TBC1D14: variants seen among roughly 807,000 people sequenced by gnomAD.
The protein encoded by TBC1D14 is TBC1 domain family member 14.
TBC1D14 carries 26 observed loss-of-function variants against 79.0 expected under a neutral mutation model. The ratio of observed to expected loss-of-function variants is 0.33; its 90% CI spans 0.24 to 0.46. TBC1D14 has a LOEUF of 0.46. Among genes scored for constraint, TBC1D14 ranks in the 20% least tolerant of loss-of-function variants. The pLI, the probability that TBC1D14 is intolerant of heterozygous loss-of-function variation, is 1.00. For synonymous variants in TBC1D14, 394 were observed against 349.9 expected, an observed-to-expected ratio of 1.13 and a Z score of -1.40; for missense variants, 769 against 887.6, an observed-to-expected ratio of 0.87 and a Z score of 1.70.
chr4:6,977,660 C>T (rs1445864195), intron 3 of TBC1D14, among the ~76,000 whole-genome samples: 1 of 144,114 alleles, frequency 6.9e-6, no homozygotes, highest in Non-Finnish European at 1.5e-5. Context: ...GGCCGCCATC[C>T]CATCTAGGAA....
At chr4:6,983,189 C>G (rs373285555) in intron 3 of TBC1D14, among the ~76,000 whole-genome samples, 2 of 152,118 alleles carry the variant, frequency 1.3e-5, no homozygotes, top group Non-Finnish European at 1.5e-5. Flanking sequence ...CCAGGCTGGT[C>G]TTGAACTCCT....
intron 2 of TBC1D14, among the ~76,000 whole-genome samples, chr4:6,951,184 C>G (rs1454274447): frequency 6.6e-6 from 1 of 152,092 alleles, no homozygotes; most frequent in Non-Finnish European, 1.5e-5. Flanking sequence ...CCCAGCTACT[C>G]AGGAGGCTGA....
chr4:6,995,027 G>A (rs145365918), intron 4 of TBC1D14, among the ~76,000 whole-genome samples: 1,817 of 152,228 alleles, frequency 0.012, 16 homozygotes, highest in Middle Eastern at 0.037. Flanking sequence ...GTGAACTGGC[G>A]GACTCTCCTG....
rs539003590 is a variant in TBC1D14 at position 6,986,717 on chromosome 4, A to T, written c.844-7467A>T. Among the ~76,000 whole-genome samples, 10 of 151,932 alleles carry T rather than the reference A, an allele frequency of 6.6e-5. No homozygotes were observed. In the South Asian group the frequency reaches 2.1e-3, roughly 32 times the overall value. On this transcript the variant is annotated intron_variant, in intron 3 of 13. Coordinates refer to ENST00000409757, the MANE Select transcript of TBC1D14 (RefSeq NM_020773.3). ...CGAAGTTTAAAGACTGTTTTTAAAAACCTGAGGTCTCATCGACAGCGTACC... is the reference window on the plus strand; with the variant it reads ...CGAAGTTTAAAGACTGTTTTTAAAATCCTGAGGTCTCATCGACAGCGTACC...
At chr4:6,967,617 A>G (rs1404562403) in intron 3 of TBC1D14, among the ~76,000 whole-genome samples, 193 bp downstream of exon 3, 1 of 152,246 alleles carries the variant, frequency 6.6e-6, no homozygotes, top group Non-Finnish European at 1.5e-5. Flanking sequence ...AGCTTGTAAC[A>G]TGCACATAGG....
chr4:6,920,416 A>G (rs1577458157), intron 1 of TBC1D14, among the ~76,000 whole-genome samples: 1 of 152,112 alleles, frequency 6.6e-6, no homozygotes, highest in African/African-American at 2.4e-5. Flanking sequence ...CTGGGACTAC[A>G]GGCATGAGCC....
At chr4:7,009,489 G>A (rs958397214) in intron 9 of TBC1D14, among the ~76,000 whole-genome samples, 2 of 152,208 alleles carry the variant, frequency 1.3e-5, no homozygotes, top group African/African-American at 4.8e-5. Context: ...CAGGATGTGG[G>A]GCACAGTGGG....
intron 3 of TBC1D14, among the ~76,000 whole-genome samples, chr4:6,981,144 C>T (rs987140528): frequency 6.6e-6 from 1 of 151,890 alleles, no homozygotes; most frequent in Admixed American, 6.6e-5. Context: ...CATGCCTCAG[C>T]CACCCGAGTA....
chr4:6,933,029 T>C (rs1057482728), intron 2 of TBC1D14, among the ~76,000 whole-genome samples: 1 of 152,008 alleles, frequency 6.6e-6, no homozygotes, highest in Non-Finnish European at 1.5e-5. Context: ...TAAACTGAGC[T>C]CATCATTTCC....
At position 6,953,584 on chromosome 4, in the gene TBC1D14, A is replaced by G. The variant is rs1714315147; in HGVS notation, c.723-13720A>G. Among the ~76,000 whole-genome samples the G allele has an allele frequency of 3.2e-5, 4 of 123,624 alleles. No individual in the cohort carries two copies. In the South Asian group the frequency reaches 1.1e-3, roughly 34 times the overall value. 81.1% of individuals were successfully genotyped at this position (123,624 alleles called of 152,430 possible). A position where few individuals can be genotyped will look rare whatever the true frequency, so the allele number is the denominator to read the frequency against. ...GGGGCGGAGCCTGCAGTGAGCCGAG[A>G]TTGCGCCACTGCACTCCAGCCTGGG... On this transcript the variant is annotated intron_variant, in intron 2 of 13. Coordinates refer to ENST00000409757, the MANE Select transcript of TBC1D14 (RefSeq NM_020773.3).
chr4:6,958,927 A>G (rs543832410), intron 2 of TBC1D14, among the ~76,000 whole-genome samples: 3 of 150,266 alleles, frequency 2.0e-5, no homozygotes, highest in Non-Finnish European at 4.4e-5. Flanking sequence ...TCTGTCGCCC[A>G]GGCTGGAGTG....
intron 3 of TBC1D14, among the ~76,000 whole-genome samples, chr4:6,982,547 A>T (rs895704498): frequency 1.3e-5 from 2 of 152,250 alleles, no homozygotes; most frequent in Non-Finnish European, 2.9e-5. Flanking sequence ...TTTAGAAGTC[A>T]TAGGACTATA....
chr4:6,923,486 G>T lies in TBC1D14; in HGVS notation c.97G>T (p.Val33Phe), dbSNP rs145732986. The T allele has an allele frequency of 6.2e-7, 1 of 1,614,148 alleles. No individual in the cohort carries two copies. The highest frequency in any genetic ancestry group is 2.2e-5 in the East Asian group (1 of 44,880). The change falls in exon 2 of 14, where the codon GTC becomes TTC. Residue 33 changes from valine to phenylalanine, a missense_variant. Val to Phe is a conservative substitution (Grantham distance 50). Around this residue, in one of 2 missense-constraint regions of TBC1D14, gnomAD observed 402 missense variants for 393.2 expected, o/e 1.02. Transcript: ENST00000409757. ...PGNPLQNLQH[V>F]NLKAPRLLSA... is the part of the protein sequence containing the mutation. Reference sequence around the variant, plus strand: ...AAACCCCCTTCAGAACCTGCAACACGTCAATCTCAAGGCGCCCCGACTCCT... The same window carrying T: ...AAACCCCCTTCAGAACCTGCAACACTTCAATCTCAAGGCGCCCCGACTCCT...
chr4:7,007,236 T>G (rs999892712), intron 9 of TBC1D14, among the ~76,000 whole-genome samples: 6 of 152,112 alleles, frequency 3.9e-5, no homozygotes, highest in African/African-American at 1.4e-4. Flanking sequence ...GCAGTGCAGC[T>G]GAGGGACAGA....
At chr4:6,986,405 T>C (rs1717827860) in intron 3 of TBC1D14, among the ~76,000 whole-genome samples, 1 of 152,258 alleles carries the variant, frequency 6.6e-6, no homozygotes, top group Non-Finnish European at 1.5e-5. Context: ...TTTACACTCC[T>C]ACCAAGGATT....
intron 3 of TBC1D14, among the ~76,000 whole-genome samples, chr4:6,990,092 T>A (rs528072647): frequency 3.9e-4 from 60 of 152,372 alleles, no homozygotes; most frequent in East Asian, 1.7e-3. Flanking sequence ...TTGTTTTTTT[T>A]AAAAATGCTG....
chr4:6,956,859 G>C (rs1342375646), intron 2 of TBC1D14, among the ~76,000 whole-genome samples: 1 of 152,258 alleles, frequency 6.6e-6, no homozygotes, highest in African/African-American at 2.4e-5. Context: ...GAGAGCCGCG[G>C]TTCCTCACCG....
At chr4:6,909,651 G>A (rs1722798232), upstream of TBC1D14, 1 of 151,772 alleles carries the variant, frequency 6.6e-6, no homozygotes, top group South Asian at 2.1e-4. Context: ...GCGGCCCCCG[G>A]AAGAGGGACA....
chr4:7,014,536 C>T lies in TBC1D14; in HGVS notation c.1736C>T (p.Pro579Leu). The T allele has an allele frequency of 6.2e-7, 1 of 1,612,528 alleles. No homozygotes were observed. Among genetic ancestry groups the T allele is most frequent in the Non-Finnish European group, 8.5e-7 (1 of 1,178,710 alleles). Residue 579 changes from proline to leucine, a missense_variant, in exon 12 of 14, where the codon CCA becomes CTA. This residue lies in a region of TBC1D14 where 367 missense variants were observed against 494.4 expected (regional missense o/e 0.74). Coordinates refer to ENST00000409757, the MANE Select transcript of TBC1D14 (RefSeq NM_020773.3). The stretch of plus-strand genomic sequence containing the variant: ...CATTTCAAGAAGAACAACCTAACTC[C>T]AGATATCTACCTAATTGATTGGTAA... The part of the protein sequence containing the change: ...FAHFKKNNLT[P>L]DIYLIDWIFT...
Sources: allele counts gnomAD v4.1 joint callset (sites outside exome capture counted in the v4.1 genomes callset), GRCh38; gene constraint gnomAD v4.1.1; regional missense constraint gnomAD v4.1.1; transcripts MANE v1.5; gene names NCBI Gene and HGNC (gene_info 2026-07-23, HGNC 2026-07-21).